LRPPRC: variants seen among roughly 807,000 people sequenced by gnomAD.
The protein encoded by LRPPRC is leucine-rich PPR motif-containing protein, mitochondrial.
In LRPPRC, 120 loss-of-function variants were observed where a neutral mutation model predicts 180.3. The observed-to-expected ratio is 0.67, with a 90% confidence interval of 0.57 to 0.77. The LOEUF is 0.77. Among genes scored for constraint, LRPPRC ranks in the 30% least tolerant of loss-of-function variants. The probability of loss-of-function intolerance (pLI) is 0.00; values close to 1 mark genes in which losing one functional copy is unlikely to be tolerated. For missense variants in LRPPRC, 2,012 were observed against 1,657.2 expected, an observed-to-expected ratio of 1.21 and a Z score of -3.72; for synonymous variants, 723 against 600.0, an observed-to-expected ratio of 1.21 and a Z score of -3.00.
At chr2:43,931,969 C>T (rs1352377297) in intron 25 of LRPPRC, among the ~76,000 whole-genome samples, 2 of 151,508 alleles carry the variant, frequency 1.3e-5, no homozygotes, top group Non-Finnish European at 2.9e-5. Flanking sequence ...AGAGAATCTA[C>T]AGAATGTAGT....
rs770133754 is a variant in LRPPRC at position 43,905,730 on chromosome 2, C to T, written c.3326G>A (p.Arg1109His). ...GFTLNDAANS[R>H]LIITQVRRDY... ...CCGCCTAACTTGCGTTATGATGAGG[C>T]GGCTGTTGGCAGCATCGTTCAGTGT... Residue 1109 changes from arginine to histidine, a missense_variant, in exon 31 of 38, where the codon CGC becomes CAC. Physicochemically the swap from Arg to His is conservative, Grantham distance 29. Coordinates refer to ENST00000260665, the MANE Select transcript of LRPPRC (RefSeq NM_133259.4). 8 of 1,613,958 alleles carry T rather than the reference C, an allele frequency of 5.0e-6. No individual in the cohort carries two copies. Among genetic ancestry groups the T allele is most frequent in the Middle Eastern group, 1.7e-4 (1 of 6,060 alleles).
chr2:43,956,727 T>C (rs1023183704), intron 14 of LRPPRC, among the ~76,000 whole-genome samples: 5 of 151,964 alleles, frequency 3.3e-5, no homozygotes, highest in African/African-American at 1.2e-4. Flanking sequence ...CCATCTCTAC[T>C]AAAAATACAA....
In LRPPRC at chr2:43,888,766, A is replaced by G; in HGVS notation, c.4129-110T>C. 7.2e-6 allele frequency: 5 copies of G among 694,762 alleles called. 1 individual carries two copies. Among genetic ancestry groups the G allele is most frequent in the South Asian group, 6.0e-5 (4 of 66,586 alleles). The allele number at this position is 694,762 out of a possible 1,614,324, so 43.0% of individuals were successfully genotyped here. A position where few individuals can be genotyped will look rare whatever the true frequency, so the allele number is the denominator to read the frequency against. The stretch of plus-strand genomic sequence containing the variant: ...ACTGGTAGCTAAGACTGCCAGGCCC[A>G]TGGAAGATGCTGCCCCTCAAGCTTC... On this transcript the variant is annotated intron_variant, in intron 37 of 37. Transcript: ENST00000260665.
At chr2:43,918,776 A>AATATATATATATATAGAT (rs1295902252) in intron 27 of LRPPRC, among the ~76,000 whole-genome samples, 9 of 144,230 alleles carry the variant, frequency 6.2e-5, no homozygotes, top group Non-Finnish European at 9.0e-5. Context: ...AGATCCTGGA[A>AATATATATATATATAGAT]ATATATATAT....
intron 23 of LRPPRC, among the ~76,000 whole-genome samples, chr2:43,935,376 CATA>C (rs1360827060): frequency 2.0e-5 from 3 of 152,130 alleles, no homozygotes; most frequent in Non-Finnish European, 4.4e-5. Context: ...TCATCTTTAT[CATA>C]ATATTTTCTG....
intron 23 of LRPPRC, among the ~76,000 whole-genome samples, chr2:43,941,330 T>C (rs1672473451): frequency 6.6e-6 from 1 of 152,142 alleles, no homozygotes. Flanking sequence ...AAAGTGATAT[T>C]CTCTTTAGAG....
intron 27 of LRPPRC, among the ~76,000 whole-genome samples, chr2:43,919,016 T>C (rs1191218495): frequency 6.6e-6 from 1 of 152,106 alleles, no homozygotes. Context: ...GTCCGTGGTC[T>C]GTTAGGAACC....
chr2:43,995,241 C>G (rs1674978805), intron 1 of LRPPRC, among the ~76,000 whole-genome samples: 1 of 152,168 alleles, frequency 6.6e-6, no homozygotes, highest in Non-Finnish European at 1.5e-5. Flanking sequence ...TTCTTAAATG[C>G]TGAAGGAAAA....
Position 43,931,172 on chromosome 2 carries a change from T to C in LRPPRC, c.2736+3018A>G, listed in dbSNP as rs1021485297. 5.3e-5 allele frequency among the ~76,000 whole-genome samples: 8 copies of C among 152,328 alleles called. No homozygotes were observed. The East Asian group carries it at 1.3e-3, about 26-fold the overall frequency. Reference sequence around the variant, plus strand: ...GTTCTGCAATCACTTACTAAATGCCTGTCATGTGCCAGGCACTGCTAGGTT... The same window carrying C: ...GTTCTGCAATCACTTACTAAATGCCCGTCATGTGCCAGGCACTGCTAGGTT... On this transcript the variant is annotated intron_variant, in intron 25 of 37. Transcript: ENST00000260665.
intron 27 of LRPPRC, among the ~76,000 whole-genome samples, chr2:43,920,784 A>C (rs1671673174): frequency 6.6e-6 from 1 of 152,160 alleles, no homozygotes; most frequent in African/African-American, 2.4e-5. Flanking sequence ...AAGACAGGGA[A>C]GGTTTCCAAC....
chr2:43,918,109 A>G lies in LRPPRC; in HGVS notation c.3064T>C (p.Ser1022Pro), dbSNP rs1572916679. 1.2e-6 allele frequency: 2 copies of G among 1,613,908 alleles called. No homozygotes were observed. Among genetic ancestry groups the G allele is most frequent in the Non-Finnish European group, 1.7e-6 (2 of 1,179,878 alleles). The change falls in exon 29 of 38, where the codon TCC becomes CCC. Residue 1022 changes from serine to proline, a missense_variant. Ser to Pro is a moderately conservative substitution (Grantham distance 74). Transcript: ENST00000260665. ...GTTGAGGCTGACGAAGAATTCAGGG[A>G]ATGTTTTTCATCTTCATACCACAAC... ...PELWYEDEKH[S>P]LNSSSASTTE...
chr2:43,983,738 T>C (rs1674410866), intron 1 of LRPPRC, among the ~76,000 whole-genome samples: 1 of 152,172 alleles, frequency 6.6e-6, no homozygotes, highest in African/African-American at 2.4e-5. Flanking sequence ...CTATCCTATG[T>C]TATTAATCTG....
intron 11 of LRPPRC, among the ~76,000 whole-genome samples, chr2:43,965,813 G>A (rs1673529966): frequency 2.0e-5 from 3 of 152,148 alleles, no homozygotes; most frequent in Admixed American, 2.0e-4. Flanking sequence ...GCCACAATGA[G>A]ATATCACCTT....
chr2:43,941,387 G>C (rs776779453), intron 23 of LRPPRC, among the ~76,000 whole-genome samples: 1 of 152,092 alleles, frequency 6.6e-6, no homozygotes, highest in African/African-American at 2.4e-5. Context: ...TGAATGAAAG[G>C]GTGAAGATTT....
chr2:43,893,331 A>G (rs1471249037), intron 36 of LRPPRC, among the ~76,000 whole-genome samples: 2 of 152,248 alleles, frequency 1.3e-5, no homozygotes. Flanking sequence ...TCAATTGCAG[A>G]TAAAATGCTA....
chr2:43,934,980 C>A, intron 23 of LRPPRC, 102 bp from the exon 24 acceptor site: 2 of 883,132 alleles, frequency 2.3e-6, no homozygotes, highest in South Asian at 3.3e-5. Flanking sequence ...AATATGTAAA[C>A]AACTGAGCTT....
rs1670884018 is a variant in LRPPRC, at chr2:43,901,469, T to C, written c.3420A>G (p.Leu1140=). 6.2e-7 allele frequency: 1 copy of C among 1,614,066 alleles called. No homozygotes were observed. Among genetic ancestry groups the C allele is most frequent in the East Asian group, 2.2e-5 (1 of 44,884 alleles). Residue 1140 remains leucine, a synonymous_variant, in exon 32 of 38, where the codon TTA becomes TTG. Coordinates refer to ENST00000260665, the MANE Select transcript of LRPPRC (RefSeq NM_133259.4). ...VLDQQQTPSR[L]AVTRVIQALA... ...ATGCCTGGATGACACGGGTCACTGC[T>C]AACCTAGAAGGGGTCTGCTGCTGAT...
At chr2:43,983,240 C>CT (rs1674389027) in intron 1 of LRPPRC, among the ~76,000 whole-genome samples, 1 of 152,006 alleles carries the variant, frequency 6.6e-6, no homozygotes, top group African/African-American at 2.4e-5. Flanking sequence ...GTAATGGAGT[C>CT]TAATATGCAA....
chr2:43,971,967 TTCA>T (rs2103704193), intron 11 of LRPPRC, among the ~76,000 whole-genome samples: 1 of 149,470 alleles, frequency 6.7e-6, no homozygotes, highest in Non-Finnish European at 1.5e-5. Context: ...AGACAAAACC[TTCA>T]TCGATTAAAA....
Sources: allele counts gnomAD v4.1 joint callset (sites outside exome capture counted in the v4.1 genomes callset), GRCh38; gene constraint gnomAD v4.1.1; transcripts MANE v1.5; gene names NCBI Gene and HGNC (gene_info 2026-07-23, HGNC 2026-07-21).